The following JARID2 variants were observed in gnomAD, a reference collection of about 807,000 sequenced individuals.
JARID2 encodes the protein protein Jumonji.
A neutral mutation model predicts 125.6 loss-of-function variants in JARID2; 21 were observed. That is an observed-to-expected ratio of 0.17 (90% confidence interval 0.12 to 0.24). The LOEUF (loss-of-function observed/expected upper bound fraction) is 0.24, where lower values mean the gene tolerates loss of function less well. Ranked by LOEUF, JARID2 falls within the 10% of genes least tolerant of loss-of-function variation. JARID2 has a pLI of 1.00. For missense variants in JARID2, 1,303 were observed against 1,639.6 expected, an observed-to-expected ratio of 0.79 and a Z score of 3.55; for synonymous variants, 736 against 661.6, an observed-to-expected ratio of 1.11 and a Z score of -1.73.
intron 4 of JARID2, among the ~76,000 whole-genome samples, chr6:15,455,719 A>G (rs1768137636): frequency 6.6e-6 from 1 of 152,102 alleles, no homozygotes; most frequent in Non-Finnish European, 1.5e-5. Flanking sequence ...TTTAGTAGAG[A>G]CGGGGTTTCA....
chr6:15,250,645 A>G (rs1339015035), intron 1 of JARID2, among the ~76,000 whole-genome samples: 2 of 152,234 alleles, frequency 1.3e-5, no homozygotes, highest in African/African-American at 4.8e-5. Context: ...TCCAGGTTAT[A>G]TTATTTTACA....
chr6:15,273,930 C>CT lies in JARID2; in HGVS notation c.45+27362dup, dbSNP rs71758457. 9.3e-3 allele frequency among the ~76,000 whole-genome samples: 1,325 copies of CT among 141,876 alleles called. 9 individuals carry two copies. The highest frequency in any genetic ancestry group is 0.034 in the East Asian group (166 of 4,818). The allele number at this position is 141,876 out of a possible 152,430, so 93.1% of individuals were successfully genotyped here. ...TTTCTCTGAAAAATTTTGTCTATAT[C>CT]TTTTTTTTTTTTTTTTAAGATGGAG... On this transcript the variant is annotated intron_variant, in intron 1 of 17. Coordinates refer to ENST00000341776, the MANE Select transcript of JARID2 (RefSeq NM_004973.4).
At chr6:15,500,696 C>T (rs1313558427) in intron 7 of JARID2, among the ~76,000 whole-genome samples, 1 of 152,154 alleles carries the variant, frequency 6.6e-6, no homozygotes, top group East Asian at 1.9e-4. Context: ...TCCCTCGTTC[C>T]ACCTGCTCTT....
In JARID2 at chr6:15,492,791, C is replaced by T. The variant is rs968464931; in HGVS notation, c.907-3341C>T. On this transcript the variant is annotated intron_variant, in intron 6 of 17. Transcript: ENST00000341776. ...AGTGACACTTGCCTTTTTCAGTCTTCGTAATTGTTTGAACTTCGCTGGTCT... is the reference window on the plus strand; with the variant it reads ...AGTGACACTTGCCTTTTTCAGTCTTTGTAATTGTTTGAACTTCGCTGGTCT... Among the ~76,000 whole-genome samples the T allele has an allele frequency of 2.1e-4, 32 of 152,198 alleles. 2 individuals are homozygous for T. In the Middle Eastern group the frequency reaches 0.02, roughly 97 times the overall value.
intron 2 of JARID2, among the ~76,000 whole-genome samples, chr6:15,395,772 C>T (rs1472113943): frequency 6.6e-6 from 1 of 152,050 alleles, no homozygotes; most frequent in Non-Finnish European, 1.5e-5. Context: ...GCAAGTGCTT[C>T]CCCTGCCTCA....
At chr6:15,473,843 C>G (rs959479961) in intron 5 of JARID2, among the ~76,000 whole-genome samples, 1 of 152,064 alleles carries the variant, frequency 6.6e-6, no homozygotes, top group Non-Finnish European at 1.5e-5. Context: ...CCTTATGACG[C>G]CAGTGGAGGG....
In JARID2 at chr6:15,325,744, C is replaced by T. The variant is rs112918221; in HGVS notation, c.46-48373C>T. Reference sequence around the variant, plus strand: ...AGTCCCTTCCTGGGAGTTTCCAAGGCGAAAAGTAGTACCATGGTAAAAACT... The same window carrying T: ...AGTCCCTTCCTGGGAGTTTCCAAGGTGAAAAGTAGTACCATGGTAAAAACT... On this transcript the variant is annotated intron_variant, in intron 1 of 17. Coordinates refer to ENST00000341776, the MANE Select transcript of JARID2 (RefSeq NM_004973.4). Among the ~76,000 whole-genome samples, 1,243 of 152,220 alleles carry T rather than the reference C, an allele frequency of 8.2e-3. 8 individuals are homozygous for T. The highest frequency in any genetic ancestry group is 0.042 in the South Asian group (204 of 4,822).
In JARID2 at chr6:15,380,640, T is replaced by C. The variant is rs532642263; in HGVS notation, c.181+6388T>C. On this transcript the variant is annotated intron_variant, in intron 2 of 17. Transcript: ENST00000341776. ...GCCAATTTGTAGCCAAGGACCAGTA[T>C]TGGAAGCGCAGATGTGGGACATTGT... Among the ~76,000 whole-genome samples the C allele has an allele frequency of 2.6e-5, 4 of 152,272 alleles. No homozygotes were observed. The South Asian group carries it at 8.3e-4, about 32-fold the overall frequency.
chr6:15,300,428 T>C (rs1761564461), intron 1 of JARID2, among the ~76,000 whole-genome samples: 1 of 152,134 alleles, frequency 6.6e-6, no homozygotes, highest in Non-Finnish European at 1.5e-5. Flanking sequence ...ATGTAAGCTT[T>C]TGGGCCTGGA....
chr6:15,332,251 C>A (rs181769327), intron 1 of JARID2, among the ~76,000 whole-genome samples: 2 of 152,250 alleles, frequency 1.3e-5, no homozygotes, highest in Admixed American at 1.3e-4. Flanking sequence ...GTGAGAAAAA[C>A]CAAATTAGCA....
intron 2 of JARID2, among the ~76,000 whole-genome samples, chr6:15,384,439 C>G (rs1264531297): frequency 6.7e-6 from 1 of 148,874 alleles, no homozygotes; most frequent in Non-Finnish European, 1.5e-5. Context: ...TCTGTGAGGT[C>G]TCTCATCTGC....
At chr6:15,255,436 G>A (rs193267693) in intron 1 of JARID2, among the ~76,000 whole-genome samples, 49 of 152,082 alleles carry the variant, frequency 3.2e-4, no homozygotes, top group Non-Finnish European at 1.8e-4. Context: ...CTTTTTTTCG[G>A]GGGAGGTGAG....
chr6:15,445,164 C>T (rs985470225), intron 3 of JARID2, among the ~76,000 whole-genome samples: 1 of 152,176 alleles, frequency 6.6e-6, no homozygotes, highest in African/African-American at 2.4e-5. Flanking sequence ...AACAGTGCCA[C>T]CCTTGTGTGA....
At chr6:15,391,621 A>C (rs1765013183) in intron 2 of JARID2, among the ~76,000 whole-genome samples, 1 of 152,238 alleles carries the variant, frequency 6.6e-6, no homozygotes, top group Non-Finnish European at 1.5e-5. Context: ...CAATCTGTCA[A>C]ATCATATTAA....
At chr6:15,326,905 A>T (rs779273928) in intron 1 of JARID2, among the ~76,000 whole-genome samples, 1 of 152,256 alleles carries the variant, frequency 6.6e-6, no homozygotes, top group Non-Finnish European at 1.5e-5. Context: ...TGTCAGTCTC[A>T]TGTTTTCAAA....
chr6:15,309,364 G>A (rs1025249735), intron 1 of JARID2, among the ~76,000 whole-genome samples: 2 of 151,860 alleles, frequency 1.3e-5, no homozygotes, highest in Non-Finnish European at 2.9e-5. Context: ...TATAAGTAGT[G>A]TGATATTTTG....
rs1030123041 is a variant in JARID2 at position 15,374,060 on chromosome 6, C to G, written c.46-57C>G. 1.1e-5 allele frequency: 17 copies of G among 1,582,798 alleles called. No individual in the cohort carries two copies. The South Asian group carries it at 1.5e-4, about 14-fold the overall frequency. ...CTTTAAAATAAAGTTTATTTTGACT[C>G]TGAATATTGCCTTGCTTTCTATTCA... On this transcript the variant is annotated intron_variant, in intron 1 of 17. Transcript: ENST00000341776.
chr6:15,397,644 G>A (rs1350801945), intron 2 of JARID2, among the ~76,000 whole-genome samples: 1 of 152,196 alleles, frequency 6.6e-6, no homozygotes, highest in Non-Finnish European at 1.5e-5. Flanking sequence ...CTTGTGACAT[G>A]TTATAGAAGG....
intron 7 of JARID2, 66 bp downstream of exon 7, chr6:15,497,236 T>C: frequency 8.4e-7 from 1 of 1,191,116 alleles, no homozygotes; most frequent in Non-Finnish European, 1.2e-6. Flanking sequence ...TGCAGTTCCC[T>C]CACAGTCTTC....
Sources: gnomAD v4.1 joint callset for allele counts (sites outside exome capture counted in the v4.1 genomes callset) on GRCh38, gnomAD v4.1.1 for gene constraint, MANE v1.5 for transcripts, NCBI Gene and HGNC (gene_info 2026-07-23, HGNC 2026-07-21) for gene names.